SRGAP3: variants seen among roughly 807,000 people sequenced by gnomAD.
SRGAP3 encodes the protein SLIT-ROBO Rho GTPase-activating protein 3.
In SRGAP3, 39 loss-of-function variants were observed where a neutral mutation model predicts 121.1. That is an observed-to-expected ratio of 0.32 (90% CI 0.25 to 0.42). SRGAP3 has a LOEUF of 0.42. Ranked by LOEUF, SRGAP3 falls within the 10% of genes least tolerant of loss-of-function variation. The pLI, the probability that SRGAP3 is intolerant of heterozygous loss-of-function variation, is 1.00. For missense variants in SRGAP3, 1,213 were observed against 1,470.6 expected (o/e 0.82, Z 2.86); for synonymous variants, 601 against 570.0 (o/e 1.05, Z -0.77).
At chr3:9,270,867 C>T (rs1222846449) in intron 3 of SRGAP3, among the ~76,000 whole-genome samples, 3 of 151,896 alleles carry the variant, frequency 2.0e-5, no homozygotes, top group Non-Finnish European at 2.9e-5. Flanking sequence ...CTGCCTTTCC[C>T]GGAAATGCCT....
At chr3:9,320,088 C>A (rs1955415211) in intron 3 of SRGAP3, among the ~76,000 whole-genome samples, 1 of 151,870 alleles carries the variant, frequency 6.6e-6, no homozygotes, top group African/African-American at 2.4e-5. Context: ...TGACCCAATG[C>A]AGGCTAATCA....
intron 3 of SRGAP3, among the ~76,000 whole-genome samples, chr3:9,319,058 T>C (rs1955398669): frequency 6.6e-6 from 1 of 151,884 alleles, no homozygotes; most frequent in African/African-American, 2.4e-5. Flanking sequence ...ATACATTCAT[T>C]TTAAATACAT....
chr3:9,203,649 G>A (rs968558855), intron 1 of SRGAP3, among the ~76,000 whole-genome samples: 8 of 152,182 alleles, frequency 5.3e-5, no homozygotes, highest in African/African-American at 1.9e-4. Flanking sequence ...CCCTTATATT[G>A]GCCCCTGAGC....
intron 1 of SRGAP3, among the ~76,000 whole-genome samples, chr3:9,171,953 G>A (rs1950991394): frequency 6.6e-6 from 1 of 152,044 alleles, no homozygotes; most frequent in South Asian, 2.1e-4. Context: ...TGCCTGCAAT[G>A]TGGCATTTCT....
intron 2 of SRGAP3, among the ~76,000 whole-genome samples, chr3:9,115,707 G>C (rs1263424688): frequency 6.6e-6 from 1 of 152,174 alleles, no homozygotes; most frequent in African/African-American, 2.4e-5. Context: ...GGAGAAACTG[G>C]AATGGGACTT....
At chr3:9,233,405 T>C (rs1442932090) in intron 1 of SRGAP3, among the ~76,000 whole-genome samples, 1 of 152,148 alleles carries the variant, frequency 6.6e-6, no homozygotes, top group Non-Finnish European at 1.5e-5. Context: ...AGAAGGTGGG[T>C]TTCAATCTTC....
At chr3:9,329,115 G>A (rs899385349) in intron 2 of SRGAP3, among the ~76,000 whole-genome samples, 7 of 152,132 alleles carry the variant, frequency 4.6e-5, no homozygotes, top group African/African-American at 9.7e-5. Context: ...AAGGTACTCC[G>A]CGACACAGAA....
chr3:9,163,927 G>C, intron 1 of SRGAP3, among the ~76,000 whole-genome samples: 1 of 150,820 alleles, frequency 6.6e-6, no homozygotes, highest in East Asian at 1.9e-4. Context: ...ACTATTCCAG[G>C]CACCGTATGA....
chr3:9,094,048 A>T (rs1947868552), intron 3 of SRGAP3, among the ~76,000 whole-genome samples: 1 of 152,208 alleles, frequency 6.6e-6, no homozygotes, highest in Admixed American at 6.5e-5. Flanking sequence ...TTAGGAAGCA[A>T]AATGTTATAG....
intron 3 of SRGAP3, among the ~76,000 whole-genome samples, chr3:9,081,667 G>A (rs1465603456): frequency 6.6e-6 from 1 of 152,212 alleles, no homozygotes; most frequent in East Asian, 1.9e-4. Context: ...GGTATAGTCT[G>A]TAGTTTCATT....
At chr3:9,061,676 G>A (rs749149565) in intron 5 of SRGAP3, among the ~76,000 whole-genome samples, 8 of 152,180 alleles carry the variant, frequency 5.3e-5, no homozygotes, top group Admixed American at 2.6e-4. Context: ...GGTCTGGAGC[G>A]CCCAGAACTG....
At chr3:9,008,552 A>G (rs548072550) in intron 18 of SRGAP3, among the ~76,000 whole-genome samples, 2 of 152,254 alleles carry the variant, frequency 1.3e-5, no homozygotes, top group East Asian at 1.9e-4. Context: ...GAGGGCTGTT[A>G]AAAGGGATAG....
At chr3:9,198,465 C>T (rs1951974979) in intron 1 of SRGAP3, among the ~76,000 whole-genome samples, 1 of 152,196 alleles carries the variant, frequency 6.6e-6, no homozygotes, top group Non-Finnish European at 1.5e-5. Context: ...ACCACGGGGC[C>T]AGCTTCCTGG....
chr3:9,294,744 G>GTGTGTGTGTGTGTGTGTGTGT (rs1379747432), intron 3 of SRGAP3, among the ~76,000 whole-genome samples: 1 of 150,152 alleles, frequency 6.7e-6, no homozygotes, highest in Non-Finnish European at 1.5e-5. Flanking sequence ...GTGTGTGTTT[G>GTGTGTGTGTGTGTGTGTGTGT]GGAGGGCATC....
intron 1 of SRGAP3, among the ~76,000 whole-genome samples, chr3:9,201,101 A>G (rs1952055346): frequency 6.6e-6 from 1 of 152,146 alleles, no homozygotes; most frequent in Non-Finnish European, 1.5e-5. Flanking sequence ...TTCCCCATTC[A>G]GGCACACACC....
At chr3:9,276,576 C>T (rs1266249788) in intron 3 of SRGAP3, among the ~76,000 whole-genome samples, 1 of 152,156 alleles carries the variant, frequency 6.6e-6, no homozygotes, top group East Asian at 1.9e-4. Context: ...TAGGCACACA[C>T]CACCACACCT....
chr3:9,096,375 T>C (rs753730974), intron 3 of SRGAP3, among the ~76,000 whole-genome samples: 85 of 152,210 alleles, frequency 5.6e-4, no homozygotes, highest in Non-Finnish European at 9.0e-4. Flanking sequence ...CGTTTTCTAA[T>C]GTATGCATTT....
intron 1 of SRGAP3, among the ~76,000 whole-genome samples, chr3:9,216,132 C>A (rs1952612532): frequency 6.6e-6 from 1 of 152,118 alleles, no homozygotes; most frequent in African/African-American, 2.4e-5. Context: ...TGAGCACCAA[C>A]TGTTAGTATG....
At chr3:9,316,124 T>C (rs1378569429) in intron 3 of SRGAP3, among the ~76,000 whole-genome samples, 2 of 151,956 alleles carry the variant, frequency 1.3e-5, no homozygotes, top group African/African-American at 2.4e-5. Context: ...TCTCAGCTCA[T>C]TGCAACCTCC....
Sources: gnomAD v4.1 joint callset for allele counts (sites outside exome capture counted in the v4.1 genomes callset) on GRCh38, gnomAD v4.1.1 for gene constraint, MANE v1.5 for transcripts, NCBI Gene and HGNC (gene_info 2026-07-23, HGNC 2026-07-21) for gene names.